Variants in CUL4A observed in about 807,000 individuals in gnomAD.
CUL4A encodes the protein cullin-4A.
In CUL4A, 16 loss-of-function variants were observed where a neutral mutation model predicts 95.5. The observed-to-expected ratio is 0.17, with a 90% CI of 0.11 to 0.25. The LOEUF is 0.25. CUL4A is among the 10% of genes least tolerant of loss of function. CUL4A has a pLI of 1.00. For synonymous variants in CUL4A, 380 were observed against 353.1 expected, an observed-to-expected ratio of 1.08 and a Z score of -0.85; for missense variants, 610 against 937.0, an observed-to-expected ratio of 0.65 and a Z score of 4.56.
In CUL4A at chr13:113,266,383, A is replaced by G. The variant is rs2042396194; in HGVS notation, c.*2801A>G. On this transcript the variant is annotated 3_prime_UTR_variant, in exon 20 of 20. Coordinates refer to ENST00000375440, the MANE Select transcript of CUL4A (RefSeq NM_001008895.4). ...AATACCTAGTAACAAATAGGGAAAC[A>G]CCTATGTGAAAGGTATTATAACATT... 6.6e-6 allele frequency: 1 copy of G among 152,232 alleles called. No individual in the cohort carries two copies. Among genetic ancestry groups the G allele is most frequent in the South Asian group, 2.1e-4 (1 of 4,838 alleles). The allele number at this position is 152,232 out of a possible 1,614,324, so 9.4% of individuals were successfully genotyped here.
intron 15 of CUL4A, among the ~76,000 whole-genome samples, chr13:113,250,488 T>A (rs542798173): frequency 6.6e-6 from 1 of 152,300 alleles, no homozygotes; most frequent in East Asian, 1.9e-4. Flanking sequence ...GCACTATGTA[T>A]TCTCCCAAAA....
chr13:113,223,719 C>T (rs1042433232), intron 3 of CUL4A, among the ~76,000 whole-genome samples: 3 of 152,168 alleles, frequency 2.0e-5, no homozygotes, highest in South Asian at 2.1e-4. Context: ...TGTTATGTAC[C>T]GATTATATTT....
intron 18 of CUL4A, among the ~76,000 whole-genome samples, chr13:113,258,363 C>T (rs140674277): frequency 3.7e-4 from 57 of 152,260 alleles, no homozygotes; most frequent in African/African-American, 1.3e-3. Flanking sequence ...AATTGTATCA[C>T]GCCTTTGCTC....
chr13:113,213,141 A>G (rs959816993), intron 2 of CUL4A, among the ~76,000 whole-genome samples: 1 of 152,064 alleles, frequency 6.6e-6, no homozygotes, highest in Non-Finnish European at 1.5e-5. Flanking sequence ...TAATCCCAGC[A>G]CTTTGGGGGG....
At chr13:113,258,747 A>G (rs2042196368) in intron 18 of CUL4A, among the ~76,000 whole-genome samples, 1 of 152,234 alleles carries the variant, frequency 6.6e-6, no homozygotes, top group Non-Finnish European at 1.5e-5. Flanking sequence ...ATGTTAGGAT[A>G]GAGAAGTGCA....
intron 2 of CUL4A, among the ~76,000 whole-genome samples, chr13:113,215,436 C>T (rs1286103082): frequency 6.7e-6 from 1 of 149,572 alleles, no homozygotes; most frequent in East Asian, 2.0e-4. Context: ...GTGGAGGTCG[C>T]TGTGTGACCA....
At chr13:113,255,439 T>C (rs1479549934) in intron 18 of CUL4A, among the ~76,000 whole-genome samples, 1 of 152,224 alleles carries the variant, frequency 6.6e-6, no homozygotes, top group Non-Finnish European at 1.5e-5. Context: ...GAATCTGATA[T>C]GGTTCACTCT....
Position 113,243,159 on chromosome 13 carries a change from C to T in CUL4A, c.1227C>T (p.Ile409=), listed in dbSNP as rs201765674. 6.9e-6 allele frequency: 11 copies of T among 1,586,110 alleles called. No homozygotes were observed. Among genetic ancestry groups the T allele is most frequent in the South Asian group, 1.1e-5 (1 of 88,914 alleles). ...NKRPNKPAEL[I]AKHVDSKLRA... ...GACCCAACAAGCCTGCAGAACTGAT[C>T]GGTAGAAAAATATTTGTTTTTTTTG... Residue 409 remains isoleucine, a splice_region_variant and synonymous_variant, in exon 11 of 20, where the codon ATC becomes ATT. Coordinates refer to ENST00000375440, the MANE Select transcript of CUL4A (RefSeq NM_001008895.4).
chr13:113,251,700 T>G (rs929390909), intron 15 of CUL4A, among the ~76,000 whole-genome samples: 2 of 152,154 alleles, frequency 1.3e-5, no homozygotes, highest in African/African-American at 4.8e-5. Flanking sequence ...CCTGCTTTTT[T>G]CCCCTTACCT....
chr13:113,254,066 C>T (rs1314737987), intron 16 of CUL4A, among the ~76,000 whole-genome samples: 1 of 152,156 alleles, frequency 6.6e-6, no homozygotes, highest in Non-Finnish European at 1.5e-5. Context: ...TTGACCTCCA[C>T]AGGGTCTGTA....
intron 18 of CUL4A, among the ~76,000 whole-genome samples, chr13:113,256,999 A>ACTG (rs1242382191): frequency 8.0e-6 from 1 of 124,512 alleles, no homozygotes; most frequent in East Asian, 2.4e-4. Context: ...AATCTCGCTC[A>ACTG]CTGCAACCTC....
At position 113,264,924 on chromosome 13, in the gene CUL4A, TAAGA is replaced by T. The variant is rs1247788560; in HGVS notation, c.*1347_*1350del. ...TTTATGAGTTCCATGATATGTGGTC[TAAGA>T]AAGACCAAACAGATTTCTATTTTTT... is the stretch of plus-strand genomic sequence containing the variant. On this transcript the variant is annotated 3_prime_UTR_variant, in exon 20 of 20. Transcript: ENST00000375440. 2 of 136,466 alleles carry T rather than the reference TAAGA, an allele frequency of 1.5e-5. No individual in the cohort carries two copies. Among genetic ancestry groups the T allele is most frequent in the African/African-American group, 5.4e-5 (2 of 36,836 alleles). The allele number at this position is 136,466 out of a possible 1,614,324, so 8.5% of individuals were successfully genotyped here. A position where few individuals can be genotyped will look rare whatever the true frequency, so the allele number is the denominator to read the frequency against.
At chr13:113,248,265 C>G (rs899449037) in intron 15 of CUL4A, among the ~76,000 whole-genome samples, 1 of 152,134 alleles carries the variant, frequency 6.6e-6, no homozygotes, top group African/African-American at 2.4e-5. Context: ...CCAGCTCTAT[C>G]ATTTCTCTAT....
At chr13:113,236,451 A>C (rs904378098) in intron 8 of CUL4A, among the ~76,000 whole-genome samples, 2 of 152,222 alleles carry the variant, frequency 1.3e-5, no homozygotes, top group Non-Finnish European at 2.9e-5. Context: ...TGTAGGAAGC[A>C]GAAGGCGGAA....
intron 2 of CUL4A, among the ~76,000 whole-genome samples, chr13:113,216,509 T>G (rs1422660957): frequency 6.6e-6 from 1 of 152,234 alleles, no homozygotes. Context: ...AAGGAAAGCA[T>G]CTTGATACTA....
At chr13:113,210,137 C>G (rs569447161) in intron 2 of CUL4A, 49 bp downstream of exon 2, 3 of 1,296,876 alleles carry the variant, frequency 2.3e-6, no homozygotes, top group Non-Finnish European at 3.0e-6. Context: ...CCGCGTGACG[C>G]AGACGCGGCC....
chr13:113,240,741 C>T (rs2041684599), intron 10 of CUL4A, among the ~76,000 whole-genome samples: 1 of 151,974 alleles, frequency 6.6e-6, no homozygotes, highest in African/African-American at 2.4e-5. Flanking sequence ...TAAAAGGCCC[C>T]AGGAGGTAGC....
intron 2 of CUL4A, 152 bp from the exon 3 acceptor site, chr13:113,218,793 A>G: frequency 1.7e-6 from 1 of 590,534 alleles, no homozygotes; most frequent in South Asian, 2.2e-5. Context: ...AAACTTAGCC[A>G]TAATAAGTAA....
At chr13:113,262,188 A>G (rs1348763941) in intron 19 of CUL4A, among the ~76,000 whole-genome samples, 2 of 152,334 alleles carry the variant, frequency 1.3e-5, no homozygotes, top group East Asian at 3.9e-4. Flanking sequence ...AAGTGCTCAC[A>G]CAGATTTTCT....
Sources: gnomAD v4.1 joint callset for allele counts (sites outside exome capture counted in the v4.1 genomes callset) on GRCh38, gnomAD v4.1.1 for gene constraint, MANE v1.5 for transcripts, NCBI Gene and HGNC (gene_info 2026-07-23, HGNC 2026-07-21) for gene names.